Variants in KHDRBS2 observed in about 807,000 individuals in gnomAD.
KHDRBS2 encodes the protein KH domain-containing, RNA-binding, signal transduction-associated protein 2.
KHDRBS2 carries 26 observed loss-of-function variants against 44.3 expected under a neutral mutation model. The ratio of observed to expected loss-of-function variants is 0.59; its 90% CI spans 0.43 to 0.81. The LOEUF (loss-of-function observed/expected upper bound fraction) is 0.81, where lower values mean the gene tolerates loss of function less well. KHDRBS2 is among the 40% of genes least tolerant of loss of function. KHDRBS2 has a pLI of 0.00. For synonymous variants in KHDRBS2, 194 were observed against 151.1 expected, an observed-to-expected ratio of 1.28 and a Z score of -2.08; for missense variants, 476 against 433.1, an observed-to-expected ratio of 1.10 and a Z score of -0.88.
chr6:61,620,690 T>G, the KHDRBS2 span, among the ~76,000 whole-genome samples: 1 of 152,190 alleles, frequency 6.6e-6, no homozygotes. Flanking sequence ...ATCTGCTGCT[T>G]CTTCCCACTC....
chr6:61,802,097 C>T (rs761263446), intron 6 of KHDRBS2, among the ~76,000 whole-genome samples: 5 of 151,984 alleles, frequency 3.3e-5, no homozygotes, highest in Admixed American at 6.6e-5. Context: ...TGGCTGACAA[C>T]CAGCAAGGAA....
chr6:61,830,653 T>G (rs2127261627), intron 6 of KHDRBS2, among the ~76,000 whole-genome samples: 1 of 152,354 alleles, frequency 6.6e-6, no homozygotes, highest in South Asian at 2.1e-4. Flanking sequence ...CTGTCTGCTT[T>G]AACTTGGCAC....
At chr6:62,121,740 C>T (rs1013655913) in intron 2 of KHDRBS2, among the ~76,000 whole-genome samples, 30 of 152,286 alleles carry the variant, frequency 2.0e-4, no homozygotes, top group Admixed American at 1.6e-3. Context: ...GGGTCCGTTA[C>T]ATTGATTACA....
chr6:61,919,540 T>G (rs1303752489), intron 4 of KHDRBS2, among the ~76,000 whole-genome samples: 1 of 151,892 alleles, frequency 6.6e-6, no homozygotes, highest in Non-Finnish European at 1.5e-5. Context: ...AGACCATTTT[T>G]TTCCTCAATT....
chr6:61,820,607 G>T (rs1478102869), intron 6 of KHDRBS2, among the ~76,000 whole-genome samples: 1 of 152,016 alleles, frequency 6.6e-6, no homozygotes, highest in African/African-American at 2.4e-5. Flanking sequence ...AAACTAATTA[G>T]AGGGTCAAAC....
At chr6:62,274,332 A>T (rs1840567816) in intron 1 of KHDRBS2, among the ~76,000 whole-genome samples, 1 of 152,206 alleles carries the variant, frequency 6.6e-6, no homozygotes, top group Non-Finnish European at 1.5e-5. Context: ...CCAGCAATGC[A>T]GCTACATCAT....
intron 6 of KHDRBS2, among the ~76,000 whole-genome samples, chr6:61,762,556 GTCTA>G (rs1000656872): frequency 3.9e-5 from 6 of 152,056 alleles, no homozygotes; most frequent in African/African-American, 1.4e-4. Flanking sequence ...CCTCTCTCTT[GTCTA>G]TCTGTCTTTC....
chr6:62,091,242 G>A (rs1799442741), intron 2 of KHDRBS2, among the ~76,000 whole-genome samples: 1 of 151,914 alleles, frequency 6.6e-6, no homozygotes, highest in Non-Finnish European at 1.5e-5. Flanking sequence ...AGGTCACTGA[G>A]TCCATACATG....
At chr6:61,618,815 T>G in the KHDRBS2 span, among the ~76,000 whole-genome samples, 2 of 152,236 alleles carry the variant, frequency 1.3e-5, no homozygotes, top group Admixed American at 1.3e-4. Flanking sequence ...GCCTTTCAGT[T>G]GGAGCTCTTT....
chr6:62,059,021 C>T (rs187954824), intron 2 of KHDRBS2, among the ~76,000 whole-genome samples: 1 of 151,204 alleles, frequency 6.6e-6, no homozygotes, highest in Non-Finnish European at 1.5e-5. Flanking sequence ...TATGAAAGAA[C>T]CAAATATAAA....
chr6:61,586,228 CTTTGA>C, the KHDRBS2 span, among the ~76,000 whole-genome samples: 1 of 152,128 alleles, frequency 6.6e-6, no homozygotes, highest in Non-Finnish European at 1.5e-5. Context: ...TAGGAAAATG[CTTTGA>C]TTTAAGATAC....
chr6:61,758,759 C>T (rs755023749), intron 6 of KHDRBS2, among the ~76,000 whole-genome samples: 16 of 151,960 alleles, frequency 1.1e-4, no homozygotes, highest in East Asian at 1.9e-4. Context: ...ATCTATAAAA[C>T]GAAAATAATA....
intron 4 of KHDRBS2, among the ~76,000 whole-genome samples, chr6:61,931,025 C>T (rs1416090467): frequency 1.3e-5 from 2 of 151,894 alleles, no homozygotes; most frequent in Non-Finnish European, 2.9e-5. Flanking sequence ...TAAAATACCA[C>T]CTAATTTTAC....
intron 2 of KHDRBS2, among the ~76,000 whole-genome samples, chr6:62,058,562 C>G (rs1790851286): frequency 6.6e-6 from 1 of 151,722 alleles, no homozygotes; most frequent in Non-Finnish European, 1.5e-5. Flanking sequence ...CTAAGTGGGA[C>G]CGTAGACACA....
intron 6 of KHDRBS2, among the ~76,000 whole-genome samples, chr6:61,782,738 TACACACACAC>T (rs1400123799): frequency 1.7e-5 from 2 of 117,884 alleles, no homozygotes; most frequent in African/African-American, 5.9e-5. Context: ...TATATATATA[TACACACACAC>T]ATATACATAT....
In KHDRBS2 at chr6:62,115,621, A is replaced by G. The variant is rs116515015; in HGVS notation, c.219+61564T>C. ...GTATGTATTGGCTTGCTTTCCGCAA[A>G]TGATTGCTAAAGGCAGAACAACTTT... is the stretch of plus-strand genomic sequence containing the variant. On this transcript the variant is annotated intron_variant, in intron 2 of 8. Coordinates refer to ENST00000281156, the MANE Select transcript of KHDRBS2 (RefSeq NM_152688.4). Among the ~76,000 whole-genome samples the G allele has an allele frequency of 2.5e-3, 376 of 152,310 alleles. 3 individuals carry two copies. The highest frequency in any genetic ancestry group is 8.3e-3 in the African/African-American group (345 of 41,584).
the KHDRBS2 span, among the ~76,000 whole-genome samples, chr6:61,613,341 C>T: frequency 3.9e-5 from 6 of 152,138 alleles, no homozygotes; most frequent in African/African-American, 1.4e-4. Flanking sequence ...TGAATGTCTA[C>T]GTGTAATACA....
intron 2 of KHDRBS2, among the ~76,000 whole-genome samples, chr6:62,157,468 G>T (rs1315871037): frequency 6.6e-6 from 1 of 152,136 alleles, no homozygotes; most frequent in Non-Finnish European, 1.5e-5. Context: ...CCTTTAGTTA[G>T]CACGTGGAAT....
At chr6:61,695,045 T>G (rs1767757044) in intron 8 of KHDRBS2, among the ~76,000 whole-genome samples, 1 of 152,130 alleles carries the variant, frequency 6.6e-6, no homozygotes, top group Non-Finnish European at 1.5e-5. Context: ...AAAGATCTCC[T>G]TCCCCTTAAA....
Sources: gnomAD v4.1 joint callset for allele counts (sites outside exome capture counted in the v4.1 genomes callset) on GRCh38, gnomAD v4.1.1 for gene constraint, MANE v1.5 for transcripts, NCBI Gene and HGNC (gene_info 2026-07-23, HGNC 2026-07-21) for gene names.